Variants in CPSF2 observed in about 807,000 individuals in gnomAD.
CPSF2 encodes cleavage and polyadenylation specificity factor subunit 2.
In CPSF2, 51 loss-of-function variants were observed where a neutral mutation model predicts 84.2. The ratio of observed to expected loss-of-function variants is 0.61; its 90% CI spans 0.48 to 0.77. CPSF2 has a LOEUF of 0.77. Ranked by LOEUF, CPSF2 falls within the 30% of genes least tolerant of loss-of-function variation. CPSF2 has a pLI of 0.00. For missense variants in CPSF2, 641 were observed against 929.4 expected (o/e 0.69, Z 4.03); for synonymous variants, 286 against 311.9 (o/e 0.92, Z 0.87).
At chr14:92,128,654 G>A (rs1341208281) in intron 2 of CPSF2, among the ~76,000 whole-genome samples, 2 of 152,138 alleles carry the variant, frequency 1.3e-5, no homozygotes, top group African/African-American at 2.4e-5. Flanking sequence ...ATGAATTGAA[G>A]GTGAGGACCT....
chr14:92,128,600 G>C (rs2068872931), intron 2 of CPSF2, among the ~76,000 whole-genome samples: 2 of 152,240 alleles, frequency 1.3e-5, no homozygotes, highest in Admixed American at 1.3e-4. Flanking sequence ...GAAGTACCTA[G>C]AGGAGCAAGA....
chr14:92,130,904 C>G, intron 2 of CPSF2, 47 bp from the exon 3 acceptor site: 1 of 1,188,760 alleles, frequency 8.4e-7, no homozygotes, highest in Non-Finnish European at 1.2e-6. Context: ...ATTATATATG[C>G]CAGACTGTGC....
chr14:92,152,239 C>T (rs893227028), intron 9 of CPSF2, among the ~76,000 whole-genome samples: 3 of 152,006 alleles, frequency 2.0e-5, no homozygotes, highest in Non-Finnish European at 2.9e-5. Flanking sequence ...AAGTGATTCT[C>T]CTGCCTCAGC....
chr14:92,154,284 A>G (rs745833482), intron 9 of CPSF2, 74 bp from the exon 10 acceptor site: 56 of 984,552 alleles, frequency 5.7e-5, no homozygotes, highest in Non-Finnish European at 7.8e-5. Flanking sequence ...GATGTGATGT[A>G]TCTCATATCC....
In CPSF2 at chr14:92,166,954, A is replaced by T. The variant is rs191880432; in HGVS notation, c.*5210A>T. On this transcript the variant is annotated 3_prime_UTR_variant, in exon 16 of 16. Coordinates refer to ENST00000298875, the MANE Select transcript of CPSF2 (RefSeq NM_017437.3). The stretch of plus-strand genomic sequence containing the variant: ...GTTCTCCTTCAGGATTGTTTTGGCT[A>T]TTCTGGGTCTCTTGCATTTTCATGT... 6.7e-6 allele frequency: 1 copy of T among 148,756 alleles called. No homozygotes were observed. The highest frequency in any genetic ancestry group is 2.5e-5 in the African/African-American group (1 of 40,328). The allele number at this position is 148,756 out of a possible 1,614,324, so 9.2% of individuals were successfully genotyped here. A position where few individuals can be genotyped will look rare whatever the true frequency, so the allele number is the denominator to read the frequency against.
rs1294972993 is a variant in CPSF2, at chr14:92,169,731, T to C, written c.*7987T>C. The C allele has an allele frequency of 6.6e-6, 1 of 151,784 alleles. No homozygotes were observed. The highest frequency in any genetic ancestry group is 6.6e-5 in the Admixed American group (1 of 15,200). 9.4% of individuals were successfully genotyped at this position (151,784 alleles called of 1,614,324 possible). Reference sequence around the variant, plus strand: ...GAGGAGGATTGAGAATGTTGTTCATTTTATCTAATTACTGCCTATTAAGAA... The same window carrying C: ...GAGGAGGATTGAGAATGTTGTTCATCTTATCTAATTACTGCCTATTAAGAA... On this transcript the variant is annotated 3_prime_UTR_variant, in exon 16 of 16. Coordinates refer to ENST00000298875, the MANE Select transcript of CPSF2 (RefSeq NM_017437.3).
intron 6 of CPSF2, among the ~76,000 whole-genome samples, chr14:92,136,618 G>A (rs28577268): frequency 0.098 from 14,952 of 152,252 alleles, 816 homozygotes; most frequent in East Asian, 0.15. Context: ...AAGGGCTGTA[G>A]AAGCTGAAGG....
chr14:92,137,951 TAAAA>T (rs931168974), intron 6 of CPSF2, among the ~76,000 whole-genome samples: 1 of 151,640 alleles, frequency 6.6e-6, no homozygotes, highest in Non-Finnish European at 1.5e-5. Context: ...AAAAGAAAAA[TAAAA>T]AAAATACATA....
chr14:92,152,840 A>C (rs1478963467), intron 9 of CPSF2, among the ~76,000 whole-genome samples: 1 of 152,134 alleles, frequency 6.6e-6, no homozygotes, highest in African/African-American at 2.4e-5. Flanking sequence ...CAAAAACAAA[A>C]AGCTCTTTGG....
rs779191547 is a variant in CPSF2 at position 92,159,266 on chromosome 14, C to T, written c.2105C>T (p.Pro702Leu). The T allele has an allele frequency of 3.8e-6, 6 of 1,594,684 alleles. No individual in the cohort carries two copies. The highest frequency in any genetic ancestry group is 5.1e-6 in the Non-Finnish European group (6 of 1,169,240). Residue 702 changes from proline to leucine, a missense_variant, in exon 14 of 16, where the codon CCC becomes CTC. Coordinates refer to ENST00000298875, the MANE Select transcript of CPSF2 (RefSeq NM_017437.3). ...AGTGAGATCATTCCTACTTTGGAAC[C>T]CTTGCCACCTCATGAGGTAAAAAAA... ...EESEIIPTLE[P>L]LPPHEVPGHQ...
In CPSF2 at chr14:92,143,206, A is replaced by T; in HGVS notation, c.1052A>T (p.Asn351Ile). 1 of 1,613,644 alleles carries T rather than the reference A, an allele frequency of 6.2e-7. No homozygotes were observed. The highest frequency in any genetic ancestry group is 8.5e-7 in the Non-Finnish European group (1 of 1,179,772). ...ATTCAGTGGTGTCAGGACCCTAAAAACTCAATCATTCTAACCTACAGAACT... is the reference window on the plus strand; with the variant it reads ...ATTCAGTGGTGTCAGGACCCTAAAATCTCAATCATTCTAACCTACAGAACT... ...LFIQWCQDPK[N>I]SIILTYRTTP... is the part of the protein sequence containing the mutation. Residue 351 changes from asparagine (N) to isoleucine (I), a missense_variant, in exon 9 of 16, where the codon AAC becomes ATC. Physicochemically the swap from Asn to Ile is moderately radical, Grantham distance 149. This residue lies in a region of CPSF2 where 430 missense variants were observed against 553.6 expected (regional missense o/e 0.78). Transcript: ENST00000298875.
chr14:92,152,146 T>G (rs2069227938), intron 9 of CPSF2, among the ~76,000 whole-genome samples: 1 of 152,086 alleles, frequency 6.6e-6, no homozygotes, highest in African/African-American at 2.4e-5. Flanking sequence ...TTTTCATTTT[T>G]GAGATGTAGT....
At chr14:92,139,668 A>G (rs1431907132) in intron 7 of CPSF2, among the ~76,000 whole-genome samples, 1 of 149,438 alleles carries the variant, frequency 6.7e-6, no homozygotes, top group Non-Finnish European at 1.5e-5. Flanking sequence ...CCTCCCAAGT[A>G]GCTGGGATTA....
At chr14:92,156,724 T>A (rs1292361625) in intron 12 of CPSF2, 93 bp downstream of exon 12, 2 of 870,734 alleles carry the variant, frequency 2.3e-6, no homozygotes, top group African/African-American at 3.5e-5. Context: ...GCAAAATTTC[T>A]GAATATTCTT....
intron 9 of CPSF2, among the ~76,000 whole-genome samples, chr14:92,144,649 T>C (rs2069120691): frequency 6.6e-6 from 1 of 152,232 alleles, no homozygotes; most frequent in African/African-American, 2.4e-5. Flanking sequence ...TTTGCTTGGT[T>C]TGTGCCTGTA....
At chr14:92,158,304 C>G (rs1047154909) in intron 13 of CPSF2, among the ~76,000 whole-genome samples, 1 of 151,938 alleles carries the variant, frequency 6.6e-6, no homozygotes, top group Non-Finnish European at 1.5e-5. Context: ...GAAGAATTCC[C>G]GGATATCAAG....
intron 9 of CPSF2, among the ~76,000 whole-genome samples, chr14:92,147,242 T>C (rs977554102): frequency 8.5e-5 from 13 of 152,216 alleles, no homozygotes; most frequent in African/African-American, 2.9e-4. Flanking sequence ...AAACTAGATT[T>C]CTGATTATGT....
chr14:92,123,824 C>T (rs550573960), intron 1 of CPSF2, among the ~76,000 whole-genome samples: 31 of 152,352 alleles, frequency 2.0e-4, no homozygotes, highest in African/African-American at 7.2e-4. Flanking sequence ...TTGCAGTACC[C>T]ATTTATGCTG....
intron 14 of CPSF2, among the ~76,000 whole-genome samples, chr14:92,160,441 T>A (rs1326768541): frequency 6.6e-6 from 1 of 152,210 alleles, no homozygotes; most frequent in East Asian, 1.9e-4. Flanking sequence ...AAACTATGAA[T>A]CCTACATGCA....
Sources: gnomAD v4.1 joint callset for allele counts (sites outside exome capture counted in the v4.1 genomes callset) on GRCh38, gnomAD v4.1.1 for gene constraint, gnomAD v4.1.1 regional missense constraint, MANE v1.5 for transcripts, NCBI Gene and HGNC (gene_info 2026-07-23, HGNC 2026-07-21) for gene names.